SPATA13: variants seen among roughly 807,000 people sequenced by gnomAD.
SPATA13 encodes spermatogenesis-associated protein 13.
Under a neutral mutation model 104.0 loss-of-function variants are expected in SPATA13, and 50 were observed. That is an observed-to-expected ratio of 0.48 (90% CI 0.38 to 0.61). The LOEUF is 0.61. SPATA13 is among the 20% of genes least tolerant of loss of function. The probability of loss-of-function intolerance (pLI) is 0.00; values close to 1 mark genes in which losing one functional copy is unlikely to be tolerated. For missense variants in SPATA13, 1,524 were observed against 1,690.6 expected (o/e 0.90, Z 1.73); for synonymous variants, 606 against 667.5 (o/e 0.91, Z 1.42).
intron 4 of SPATA13, among the ~76,000 whole-genome samples, chr13:24,264,469 G>A (rs1159580156): frequency 6.6e-6 from 1 of 152,140 alleles, no homozygotes; most frequent in Non-Finnish European, 1.5e-5. Flanking sequence ...GTAGATAGTG[G>A]AGCTAGCATT....
At chr13:24,081,711 T>TAA (rs35757898) in intron 3 of SPATA13, among the ~76,000 whole-genome samples, 1 of 151,918 alleles carries the variant, frequency 6.6e-6, no homozygotes, top group Non-Finnish European at 1.5e-5. Context: ...AGCATAAATT[T>TAA]AAAAAAAATT....
chr13:24,150,505 A>G (rs1207604093), intron 3 of SPATA13, among the ~76,000 whole-genome samples: 1 of 152,200 alleles, frequency 6.6e-6, no homozygotes, highest in Non-Finnish European at 1.5e-5. Flanking sequence ...AGTGTTCTCC[A>G]GAGAAATAAA....
In SPATA13 at chr13:23,994,404, A is replaced by G. The variant is rs542368217; in HGVS notation, c.-147+10471A>G. On this transcript the variant is annotated intron_variant, in intron 2 of 14. Coordinates refer to the SPATA13 transcript ENST00000424834. ...TCTTGCCATGGCTTCAGAGAGCACA[A>G]TGAGGGTGGAAGCTGGAGGATGAGG... Among the ~76,000 whole-genome samples, 259 of 152,230 alleles carry G rather than the reference A, an allele frequency of 1.7e-3. 1 individual carries two copies. Among genetic ancestry groups the G allele is most frequent in the Non-Finnish European group, 3.5e-3 (236 of 68,032 alleles).
chr13:24,178,800 G>A (rs111755000), intron 1 of SPATA13, among the ~76,000 whole-genome samples: 101 of 152,020 alleles, frequency 6.6e-4, no homozygotes, highest in South Asian at 6.0e-3. Flanking sequence ...GATATGTAAC[G>A]CATCCATTTA....
chr13:24,140,509 G>A (rs751662612), intron 3 of SPATA13, among the ~76,000 whole-genome samples: 12 of 152,136 alleles, frequency 7.9e-5, no homozygotes, highest in Non-Finnish European at 1.6e-4. Context: ...CAAACACAAG[G>A]GTCACGTGCA....
At chr13:24,118,861 T>C (rs1880938556) in intron 3 of SPATA13, among the ~76,000 whole-genome samples, 1 of 152,152 alleles carries the variant, frequency 6.6e-6, no homozygotes, top group Non-Finnish European at 1.5e-5. Flanking sequence ...GTAAGAACTT[T>C]ACAAAGATTC....
intron 2 of SPATA13, among the ~76,000 whole-genome samples, chr13:24,010,162 G>C (rs1876404503): frequency 6.6e-6 from 1 of 152,156 alleles, no homozygotes; most frequent in Non-Finnish European, 1.5e-5. Flanking sequence ...ATTCTTTTTG[G>C]ATCTATGATC....
chr13:24,139,909 A>T (rs1209391059), intron 3 of SPATA13, among the ~76,000 whole-genome samples: 1 of 152,118 alleles, frequency 6.6e-6, no homozygotes, highest in East Asian at 1.9e-4. Flanking sequence ...CTACTAAAAA[A>T]TTCAAAACAT....
At chr13:24,179,103 G>C (rs1335463469) in intron 1 of SPATA13, among the ~76,000 whole-genome samples, 1 of 152,176 alleles carries the variant, frequency 6.6e-6, no homozygotes, top group Non-Finnish European at 1.5e-5. Context: ...GCATGAATCA[G>C]TATTTCCTTT....
rs61946657 is a variant in SPATA13, at chr13:24,190,282, A to C, written c.-112+29350A>C. Reference sequence around the variant, plus strand: ...ATACATAATATATATTATTATATATAATATATAATATTATATATTATTATA... The same window carrying C: ...ATACATAATATATATTATTATATATCATATATAATATTATATATTATTATA... On this transcript the variant is annotated intron_variant, in intron 1 of 12. Transcript: ENST00000382108. Among the ~76,000 whole-genome samples the C allele has an allele frequency of 1.6e-3, 18 of 10,916 alleles. 1 individual carries two copies. Among genetic ancestry groups the C allele is most frequent in the African/African-American group, 1.8e-3 (18 of 9,758 alleles). 7.2% of individuals were successfully genotyped at this position (10,916 alleles called of 152,430 possible).
chr13:24,074,895 C>T (rs34173919), intron 3 of SPATA13, among the ~76,000 whole-genome samples: 49,769 of 152,078 alleles, frequency 0.33, 9,818 homozygotes, highest in East Asian at 0.5. Flanking sequence ...GGCACAGACA[C>T]AGCTAGGCTG....
Position 24,242,002 on chromosome 13 carries a change from C to T in SPATA13, c.1654-7475C>T, listed in dbSNP as rs530233553. ...TGGGAGTTCAAGGCTGCAGTGAGCA[C>T]AGATCGCGCTACTTACTTCAATCTG... is the stretch of plus-strand genomic sequence containing the variant. On this transcript the variant is annotated intron_variant, in intron 2 of 12. Coordinates refer to ENST00000382108, the MANE Select transcript of SPATA13 (RefSeq NM_001166271.3). 2.0e-5 allele frequency among the ~76,000 whole-genome samples: 3 copies of T among 150,908 alleles called. No individual in the cohort carries two copies. In the East Asian group the frequency reaches 5.8e-4, roughly 29 times the overall value.
At position 24,218,791 on chromosome 13, in the gene SPATA13, A is replaced by G. The variant is rs74922738; in HGVS notation, c.-111-4028A>G. On this transcript the variant is annotated intron_variant, in intron 1 of 12. Coordinates refer to ENST00000382108, the MANE Select transcript of SPATA13 (RefSeq NM_001166271.3). ...TGTGTGGCCCAAGACAATTCTTTCA[A>G]TGTGACCCAGGAAAGCCAGAAGGTT... Among the ~76,000 whole-genome samples, 2,541 of 151,828 alleles carry G rather than the reference A, an allele frequency of 0.017. 131 individuals carry two copies. The East Asian group carries it at 0.18, about 11-fold the overall frequency.
intron 3 of SPATA13, among the ~76,000 whole-genome samples, chr13:24,150,502 T>C (rs1006731044): frequency 1.3e-5 from 2 of 152,200 alleles, no homozygotes; most frequent in Non-Finnish European, 2.9e-5. Context: ...GTCAGTGTTC[T>C]CCAGAGAAAT....
At chr13:24,110,044 T>A (rs149276277) in intron 3 of SPATA13, among the ~76,000 whole-genome samples, 3 of 149,900 alleles carry the variant, frequency 2.0e-5, no homozygotes, top group Non-Finnish European at 4.4e-5. Flanking sequence ...ATTGCAAATT[T>A]GGCAGCGGGA....
intron 1 of SPATA13, among the ~76,000 whole-genome samples, chr13:24,169,954 C>G (rs1035853616): frequency 6.6e-6 from 1 of 152,200 alleles, no homozygotes; most frequent in African/African-American, 2.4e-5. Flanking sequence ...AAAGCAAGAA[C>G]TCTCCCTGCT....
chr13:24,217,289 G>A (rs1871308260), intron 1 of SPATA13, among the ~76,000 whole-genome samples: 1 of 152,126 alleles, frequency 6.6e-6, no homozygotes, highest in Non-Finnish European at 1.5e-5. Context: ...GCACATTCAT[G>A]GTTTTCAGCA....
chr13:24,152,084 G>C (rs546330498), intron 3 of SPATA13, among the ~76,000 whole-genome samples: 64 of 152,302 alleles, frequency 4.2e-4, no homozygotes, highest in African/African-American at 1.4e-3. Flanking sequence ...GTCTGTTCAG[G>C]CTGCTGTAAC....
At chr13:24,002,145 A>G (rs1010844236) in intron 2 of SPATA13, among the ~76,000 whole-genome samples, 1 of 152,068 alleles carries the variant, frequency 6.6e-6, no homozygotes, top group Admixed American at 6.5e-5. Flanking sequence ...AAGCAGTGTC[A>G]TAGCTTTTGA....
Sources: gnomAD v4.1 joint callset for allele counts (sites outside exome capture counted in the v4.1 genomes callset) on GRCh38, gnomAD v4.1.1 for gene constraint, MANE v1.5 for transcripts, NCBI Gene and HGNC (gene_info 2026-07-23, HGNC 2026-07-21) for gene names.